The following ANO3 variants were observed in gnomAD, a reference collection of about 807,000 sequenced individuals.
ANO3 encodes the protein anoctamin 3.
Under a neutral mutation model 144.8 loss-of-function variants are expected in ANO3, and 99 were observed. That is an observed-to-expected ratio of 0.68 (90% CI 0.58 to 0.81). The LOEUF (loss-of-function observed/expected upper bound fraction) is 0.81, where lower values mean the gene tolerates loss of function less well. ANO3 is among the 30% of genes least tolerant of loss of function. The pLI is 0.00. For synonymous variants in ANO3, 414 were observed against 392.6 expected (o/e 1.05, Z -0.64); for missense variants, 905 against 1,202.2 (o/e 0.75, Z 3.66).
intron 4 of ANO3, among the ~76,000 whole-genome samples, chr11:26,489,973 T>A (rs912786353): frequency 6.6e-6 from 1 of 152,180 alleles, no homozygotes; most frequent in Non-Finnish European, 1.5e-5. Flanking sequence ...TTTGGGGGAC[T>A]GAGGGGAAGG....
At chr11:26,530,593 G>T (rs914376008) in intron 7 of ANO3, among the ~76,000 whole-genome samples, 15 of 151,526 alleles carry the variant, frequency 9.9e-5, no homozygotes, top group Admixed American at 7.9e-4. Context: ...GGGCGCAGTG[G>T]CTCATGCCTA....
chr11:26,295,129 T>G (rs926608978), intron 1 of ANO3, among the ~76,000 whole-genome samples: 2 of 151,912 alleles, frequency 1.3e-5, no homozygotes, highest in Non-Finnish European at 2.9e-5. Flanking sequence ...TTGGACAGGA[T>G]GGTCTCAATC....
intron 1 of ANO3, among the ~76,000 whole-genome samples, chr11:26,416,519 C>G (rs1197987691): frequency 1.3e-5 from 2 of 151,712 alleles, no homozygotes. Flanking sequence ...CTCCTCCTCC[C>G]AGGTTCAAAC....
chr11:26,237,113 A>G (rs56095918), intron 1 of ANO3, among the ~76,000 whole-genome samples: 3,483 of 152,022 alleles, frequency 0.023, 70 homozygotes, highest in Non-Finnish European at 0.032. Context: ...CACAATTCCA[A>G]CTCCCGGAGT....
chr11:26,647,161 G>T (rs7124390), intron 23 of ANO3, among the ~76,000 whole-genome samples: 55,581 of 151,998 alleles, frequency 0.37, 11,310 homozygotes, highest in South Asian at 0.49. Flanking sequence ...ATCTTCAAAA[G>T]TTTTTTGTGT....
chr11:26,436,689 G>A (rs1232283330), intron 1 of ANO3, among the ~76,000 whole-genome samples: 1 of 152,022 alleles, frequency 6.6e-6, no homozygotes, highest in Non-Finnish European at 1.5e-5. Flanking sequence ...CATAGTGCTG[G>A]GTTGGGGGTC....
At chr11:26,453,091 G>T (rs1014926574) in intron 3 of ANO3, among the ~76,000 whole-genome samples, 194 of 152,174 alleles carry the variant, frequency 1.3e-3, no homozygotes, top group African/African-American at 4.5e-3. Context: ...ACTAAACATG[G>T]AAAGGAACAA....
chr11:26,200,678 A>G (rs929481763), intron 1 of ANO3, among the ~76,000 whole-genome samples: 3 of 152,174 alleles, frequency 2.0e-5, no homozygotes, highest in African/African-American at 7.2e-5. Flanking sequence ...GGAATATTAC[A>G]AACAAAATAT....
chr11:26,208,914 G>C (rs1001302449), intron 1 of ANO3, among the ~76,000 whole-genome samples: 1 of 152,160 alleles, frequency 6.6e-6, no homozygotes, highest in African/African-American at 2.4e-5. Flanking sequence ...AGATGTAACT[G>C]TGTGGGAAAT....
At chr11:26,273,632 G>GCA (rs3220654) in intron 1 of ANO3, among the ~76,000 whole-genome samples, 13,731 of 140,144 alleles carry the variant, frequency 0.098, 631 homozygotes, top group Middle Eastern at 0.13. Context: ...TGTGGATATG[G>GCA]CACACACACA....
chr11:26,535,623 C>A (rs1197550509), intron 9 of ANO3, among the ~76,000 whole-genome samples: 1 of 137,658 alleles, frequency 7.3e-6, no homozygotes, highest in East Asian at 2.1e-4. Flanking sequence ...TGCTCTGTCG[C>A]CCAGGCTGGA....
chr11:26,595,731 T>A (rs571924822), intron 14 of ANO3, among the ~76,000 whole-genome samples: 1 of 152,290 alleles, frequency 6.6e-6, no homozygotes, highest in South Asian at 2.1e-4. Context: ...GGAAATCTGC[T>A]GGGTTAAGAG....
intron 2 of ANO3, among the ~76,000 whole-genome samples, chr11:26,443,503 G>T (rs1858597803): frequency 6.6e-6 from 1 of 152,158 alleles, no homozygotes; most frequent in South Asian, 2.1e-4. Flanking sequence ...TCAGGAGGCT[G>T]AGGCACGAGA....
intron 1 of ANO3, among the ~76,000 whole-genome samples, chr11:26,340,194 G>A (rs1564972735): frequency 6.6e-6 from 1 of 152,186 alleles, no homozygotes; most frequent in Non-Finnish European, 1.5e-5. Context: ...TTTTGTTGGT[G>A]CACAAGTAAA....
At chr11:26,263,121 T>G (rs1853230366) in intron 1 of ANO3, among the ~76,000 whole-genome samples, 1 of 152,212 alleles carries the variant, frequency 6.6e-6, no homozygotes, top group South Asian at 2.1e-4. Flanking sequence ...TTTCCTCCAT[T>G]ATTACTTGTT....
chr11:26,261,691 C>T (rs1401899436), intron 1 of ANO3, among the ~76,000 whole-genome samples: 2 of 152,106 alleles, frequency 1.3e-5, no homozygotes, highest in Non-Finnish European at 2.9e-5. Context: ...TTTAGATGGG[C>T]CTTAACCTTT....
chr11:26,343,784 ACTT>A (rs1447768602), intron 1 of ANO3, among the ~76,000 whole-genome samples: 7 of 152,014 alleles, frequency 4.6e-5, no homozygotes, highest in African/African-American at 1.7e-4. Flanking sequence ...TCCAAGTTTC[ACTT>A]CTTCTCCTAT....
Position 26,318,719 on chromosome 11 carries a change from A to T in ANO3, c.-3+9000A>T, listed in dbSNP as rs144328550. Among the ~76,000 whole-genome samples, 198 of 152,324 alleles carry T rather than the reference A, an allele frequency of 1.3e-3. 1 individual carries two copies. The highest frequency in any genetic ancestry group is 4.5e-3 in the African/African-American group (189 of 41,566). On this transcript the variant is annotated intron_variant, in intron 1 of 26. Transcript: ENST00000525139. ...GTATGATGTGCATCAGGTGGAGAAC[A>T]TTCCAAAAAGAGGAAACAAAAGGAG...
Position 26,553,240 on chromosome 11 carries a change from T to C in ANO3, c.1290-9T>C. On this transcript the variant is annotated splice_polypyrimidine_tract_variant and intron_variant, in intron 12 of 26. Coordinates refer to ENST00000256737, the MANE Select transcript of ANO3 (RefSeq NM_031418.4). ...TTTTGTTTTGTTTTTGTTTTTGTTTTTTCTCAAGCCAAGAAATTTGTAAAG... is the reference window on the plus strand; with the variant it reads ...TTTTGTTTTGTTTTTGTTTTTGTTTCTTCTCAAGCCAAGAAATTTGTAAAG... The C allele has an allele frequency of 6.4e-7, 1 of 1,552,664 alleles. No homozygotes were observed. Among genetic ancestry groups the C allele is most frequent in the Non-Finnish European group, 8.8e-7 (1 of 1,132,570 alleles).
Sources: allele counts gnomAD v4.1 joint callset (sites outside exome capture counted in the v4.1 genomes callset), GRCh38; gene constraint gnomAD v4.1.1; transcripts MANE v1.5; gene names NCBI Gene and HGNC (gene_info 2026-07-23, HGNC 2026-07-21).